Variants in TNRC6C observed in about 807,000 individuals in gnomAD.
TNRC6C encodes trinucleotide repeat containing adaptor 6C, also known as trinucleotide repeat-containing gene 6C protein.
A neutral mutation model predicts 153.7 loss-of-function variants in TNRC6C; 20 were observed. The observed-to-expected ratio is 0.13, with a 90% confidence interval of 0.09 to 0.19. The LOEUF is 0.19. Ranked by LOEUF, TNRC6C falls within the 10% of genes least tolerant of loss-of-function variation. TNRC6C has a pLI of 1.00. For missense variants in TNRC6C, 1,987 were observed against 2,172.0 expected, an observed-to-expected ratio of 0.91 and a Z score of 1.69; for synonymous variants, 811 against 841.4, an observed-to-expected ratio of 0.96 and a Z score of 0.63.
At chr17:78,055,625 A>G (rs1322383033) in intron 3 of TNRC6C, among the ~76,000 whole-genome samples, 1 of 152,170 alleles carries the variant, frequency 6.6e-6, no homozygotes, top group Non-Finnish European at 1.5e-5. Context: ...ACTATTTTAA[A>G]TTGGCTTGTG....
At chr17:78,074,301 A>T (rs1452252319) in intron 7 of TNRC6C, among the ~76,000 whole-genome samples, 1 of 152,130 alleles carries the variant, frequency 6.6e-6, no homozygotes, top group African/African-American at 2.4e-5. Context: ...GGCAACTCAC[A>T]TTTTTTTGCC....
At chr17:78,098,972 G>A (rs550416339) in intron 17 of TNRC6C, among the ~76,000 whole-genome samples, 42 of 152,258 alleles carry the variant, frequency 2.8e-4, no homozygotes, top group African/African-American at 9.6e-4. Context: ...GGGACGTAAG[G>A]CTTTTGCAGG....
At position 77,961,431 on chromosome 17, in the gene TNRC6C, C is replaced by T. The variant is rs539905793; in HGVS notation, c.-38+2163C>T. Among the ~76,000 whole-genome samples, 12 of 152,326 alleles carry T rather than the reference C, an allele frequency of 7.9e-5. 1 individual carries two copies. Among genetic ancestry groups the T allele is most frequent in the African/African-American group, 2.9e-4 (12 of 41,566 alleles). On this transcript the variant is annotated intron_variant, in intron 1 of 22. Transcript: ENST00000636222. ...TCGGCCTCCCAAAGTGCTGGGATTA[C>T]AGGCGTGAGCCACCACGCTCGGCCG...
At chr17:77,967,695 A>C (rs2070908937) in intron 1 of TNRC6C, among the ~76,000 whole-genome samples, 1 of 152,236 alleles carries the variant, frequency 6.6e-6, no homozygotes, top group Non-Finnish European at 1.5e-5. Context: ...CTTCTCATGC[A>C]CAACAAAATT....
rs151089943 is a variant in TNRC6C, at chr17:78,087,198, C to T, written c.3802+105C>T. On this transcript the variant is annotated intron_variant, in intron 13 of 19. Transcript: ENST00000301624. ...TTCAGTGGTTAGGAGGACTGGCCAG[C>T]GCTGAAACCATAGCCTGTTGGAAAT... The T allele has an allele frequency of 1.7e-4, 249 of 1,505,578 alleles. 1 individual carries two copies. In the East Asian group the frequency reaches 4.0e-3, roughly 24 times the overall value. The allele number at this position is 1,505,578 out of a possible 1,614,324, so 93.3% of individuals were successfully genotyped here. A position where few individuals can be genotyped will look rare whatever the true frequency, so the allele number is the denominator to read the frequency against.
rs367703970 is a variant in TNRC6C at position 78,017,461 on chromosome 17, A to G, written c.-546+12382A>G. Among the ~76,000 whole-genome samples, 21 of 152,302 alleles carry G rather than the reference A, an allele frequency of 1.4e-4. No homozygotes were observed. In the South Asian group the frequency reaches 4.4e-3, roughly 32 times the overall value. On this transcript the variant is annotated intron_variant, in intron 1 of 19. Transcript: ENST00000301624. ...CCTCCTCTCCCAACCACATGGCTCT[A>G]GAGTCTGCACAGGGTCTCAGAGACC...
At chr17:78,001,832 G>C (rs563691211), upstream of TNRC6C, among the ~76,000 whole-genome samples, 1 of 151,982 alleles carries the variant, frequency 6.6e-6, no homozygotes, top group South Asian at 2.1e-4. Flanking sequence ...AGTAGATAAG[G>C]GATGCCAAGC....
At chr17:78,050,877 C>T (rs1236221261) in exon 3 of TNRC6C, 1 of 1,613,728 alleles carries the variant, frequency 6.2e-7, no homozygotes, top group Non-Finnish European at 8.5e-7. Context: ...CATCGTCTGT[C>T]CTTGGACACT....
chr17:77,966,783 A>G (rs988887436), intron 1 of TNRC6C, among the ~76,000 whole-genome samples: 3 of 152,204 alleles, frequency 2.0e-5, no homozygotes, highest in Non-Finnish European at 4.4e-5. Flanking sequence ...AGATTTTCTT[A>G]GGGCCATACC....
intron 2 of TNRC6C, among the ~76,000 whole-genome samples, chr17:78,046,248 C>G (rs2072407850): frequency 2.0e-5 from 3 of 150,510 alleles, no homozygotes; most frequent in Admixed American, 6.6e-5. Context: ...GTGGCACAGT[C>G]TCGGCTCACT....
intron 1 of TNRC6C, among the ~76,000 whole-genome samples, chr17:77,989,275 G>A (rs996894577): frequency 5.9e-5 from 9 of 152,226 alleles, no homozygotes; most frequent in African/African-American, 2.2e-4. Flanking sequence ...TTCCATGCAA[G>A]TAAGACTATT....
At position 78,104,020 on chromosome 17, in the gene TNRC6C, G is replaced by T. The variant is rs565425843; in HGVS notation, c.4713-465G>T. On this transcript the variant is annotated intron_variant, in intron 19 of 19. Coordinates refer to ENST00000301624, the Ensembl canonical transcript of TNRC6C. The surrounding 1 kb of genome is among the most constrained non-coding windows in gnomAD (Gnocchi z 6.2). ...CTCACAGGTATCTTGGGACTTACTGGTTTTTTTCTGCTGCTGAGTTGCTGT... is the reference window on the plus strand; with the variant it reads ...CTCACAGGTATCTTGGGACTTACTGTTTTTTTTCTGCTGCTGAGTTGCTGT... Among the ~76,000 whole-genome samples, 10 of 152,220 alleles carry T rather than the reference G, an allele frequency of 6.6e-5. No individual in the cohort carries two copies. Among genetic ancestry groups the T allele is most frequent in the African/African-American group, 2.4e-4 (10 of 41,538 alleles).
chr17:78,103,500 G>A (rs1401412805), exon 19 of TNRC6C: 1 of 1,613,878 alleles, frequency 6.2e-7, no homozygotes, highest in African/African-American at 1.3e-5. Context: ...GCAATGCTGT[G>A]GTCCGGTACA....
chr17:78,093,576 C>A, intron 15 of TNRC6C, 44 bp from the exon 18 acceptor site: 1 of 1,607,436 alleles, frequency 6.2e-7, no homozygotes, highest in Non-Finnish European at 8.5e-7. Flanking sequence ...AATCAATGTG[C>A]CGGTGTTCTG....
At position 78,006,622 on chromosome 17, in the gene TNRC6C, T is replaced by C. The variant is rs141233713; in HGVS notation, c.-546+1543T>C. On this transcript the variant is annotated intron_variant, in intron 1 of 19. Coordinates refer to ENST00000301624, the Ensembl canonical transcript of TNRC6C. Reference sequence around the variant, plus strand: ...TTCCTCCTTCTTCCTTCTTCTTCTTTCTTCTTCTTCCTTCTTCTTGAATTT... The same window carrying C: ...TTCCTCCTTCTTCCTTCTTCTTCTTCCTTCTTCTTCCTTCTTCTTGAATTT... Among the ~76,000 whole-genome samples, 92 of 145,276 alleles carry C rather than the reference T, an allele frequency of 6.3e-4. 3 individuals carry two copies. The highest frequency in any genetic ancestry group is 2.3e-3 in the African/African-American group (83 of 36,432).
chr17:78,068,544 G>C (rs919008342), intron 5 of TNRC6C, among the ~76,000 whole-genome samples: 3 of 151,978 alleles, frequency 2.0e-5, no homozygotes, highest in African/African-American at 4.8e-5. Flanking sequence ...CTGTAATCCC[G>C]GCACTTTGGG....
chr17:78,091,715 A>G, intron 14 of TNRC6C, 108 bp downstream of exon 16: 1 of 1,214,730 alleles, frequency 8.2e-7, no homozygotes, highest in Non-Finnish European at 1.1e-6. Flanking sequence ...TGAGCACTGA[A>G]AGTTGGATTT....
chr17:77,984,352 T>G (rs2071126524), intron 1 of TNRC6C, among the ~76,000 whole-genome samples: 1 of 125,670 alleles, frequency 8.0e-6, no homozygotes, highest in Admixed American at 8.0e-5. Context: ...ACCTCATCAA[T>G]ACTTAAAAAA....
At chr17:77,982,988 C>G (rs1012339333) in intron 1 of TNRC6C, among the ~76,000 whole-genome samples, 3 of 151,954 alleles carry the variant, frequency 2.0e-5, no homozygotes, top group African/African-American at 7.3e-5. Context: ...AATAACAGAG[C>G]TTTAAAAGAC....
Sources: allele counts gnomAD v4.1 joint callset (sites outside exome capture counted in the v4.1 genomes callset), GRCh38; gene constraint gnomAD v4.1.1; non-coding constraint Gnocchi (gnomAD v3.1); transcripts MANE v1.5; gene names NCBI Gene and HGNC (gene_info 2026-07-23, HGNC 2026-07-21).